CNTN1: variants seen among roughly 807,000 people sequenced by gnomAD.
CNTN1 encodes contactin 1.
A neutral mutation model predicts 126.4 loss-of-function variants in CNTN1; 38 were observed. The observed-to-expected ratio is 0.30, with a 90% CI of 0.23 to 0.39. The LOEUF (loss-of-function observed/expected upper bound fraction) is 0.39, where lower values mean the gene tolerates loss of function less well. CNTN1 is among the 10% of genes least tolerant of loss of function. The pLI, the probability that CNTN1 is intolerant of heterozygous loss-of-function variation, is 1.00. For missense variants in CNTN1, 1,009 were observed against 1,248.4 expected, an observed-to-expected ratio of 0.81 and a Z score of 2.89; for synonymous variants, 413 against 422.6, an observed-to-expected ratio of 0.98 and a Z score of 0.28.
At chr12:40,901,855 G>T (rs1944619646) in intron 1 of CNTN1, among the ~76,000 whole-genome samples, 1 of 152,144 alleles carries the variant, frequency 6.6e-6, no homozygotes, top group African/African-American at 2.4e-5. Flanking sequence ...ACTGCAATAA[G>T]CTGCTTAAAC....
At chr12:40,721,241 C>T (rs1942201624) in intron 1 of CNTN1, among the ~76,000 whole-genome samples, 1 of 152,070 alleles carries the variant, frequency 6.6e-6, no homozygotes, top group Non-Finnish European at 1.5e-5. Context: ...TCATAGCAAT[C>T]TCATGTGCCA....
chr12:40,813,058 T>TCTTTCTTTCTTTCTTTCTTTCTTCCTTC (rs71078274), intron 1 of CNTN1, among the ~76,000 whole-genome samples: 9 of 104,790 alleles, frequency 8.6e-5, no homozygotes, highest in African/African-American at 1.7e-4. Context: ...TTTCTTTCTT[T>TCTTTCTTTCTTTCTTTCTTTCTTCCTTC]CTTCCTTCCT....
chr12:40,706,587 AG>A (rs956702562), intron 1 of CNTN1, among the ~76,000 whole-genome samples: 1 of 152,156 alleles, frequency 6.6e-6, no homozygotes, highest in Non-Finnish European at 1.5e-5. Context: ...TCAAACTTAT[AG>A]GACCCCTCAA....
intron 1 of CNTN1, among the ~76,000 whole-genome samples, chr12:40,785,427 G>C (rs749287412): frequency 6.6e-6 from 1 of 152,154 alleles, no homozygotes; most frequent in Non-Finnish European, 1.5e-5. Flanking sequence ...TCTGTGTGAA[G>C]AGACCACCAA....
At chr12:40,874,055 G>T (rs1943591048) in intron 1 of CNTN1, among the ~76,000 whole-genome samples, 1 of 152,018 alleles carries the variant, frequency 6.6e-6, no homozygotes, top group African/African-American at 2.4e-5. Flanking sequence ...TTTAGTAAAT[G>T]CCTACCATGT....
chr12:40,913,957 C>T (rs1945140435), intron 3 of CNTN1, among the ~76,000 whole-genome samples: 1 of 151,846 alleles, frequency 6.6e-6, no homozygotes, highest in Non-Finnish European at 1.5e-5. Flanking sequence ...AAAAGCAGAT[C>T]AAAATAGTGA....
chr12:40,916,240 T>C (rs995883635), intron 3 of CNTN1, among the ~76,000 whole-genome samples: 2 of 152,110 alleles, frequency 1.3e-5, no homozygotes, highest in African/African-American at 4.8e-5. Context: ...GATATATTGA[T>C]TTCTCTACTT....
chr12:40,861,975 G>C (rs779936456), intron 1 of CNTN1, among the ~76,000 whole-genome samples: 11 of 151,958 alleles, frequency 7.2e-5, no homozygotes, highest in Non-Finnish European at 1.6e-4. Context: ...AAAGTGGGAG[G>C]GTTGCTTGAG....
intron 1 of CNTN1, among the ~76,000 whole-genome samples, chr12:40,715,910 C>T (rs12814832): frequency 8.8e-4 from 134 of 152,154 alleles, no homozygotes; most frequent in Non-Finnish European, 1.6e-3. Flanking sequence ...TTCAGACATT[C>T]AGAGTTAGTT....
chr12:40,787,996 G>T (rs1293699539), intron 1 of CNTN1, among the ~76,000 whole-genome samples: 1 of 152,054 alleles, frequency 6.6e-6, no homozygotes, highest in African/African-American at 2.4e-5. Context: ...GGCAAGCTGT[G>T]TATCTCCCCT....
In CNTN1 at chr12:40,937,592, T is replaced by C; in HGVS notation, c.1133T>C (p.Leu378Pro). The C allele has an allele frequency of 6.2e-7, 1 of 1,607,686 alleles. No homozygotes were observed. Among genetic ancestry groups the C allele is most frequent in the Non-Finnish European group, 8.5e-7 (1 of 1,174,300 alleles). Residue 378 changes from leucine to proline, a missense_variant, in exon 11 of 24, where the codon CTG becomes CCG. Coordinates refer to ENST00000551295, the MANE Select transcript of CNTN1 (RefSeq NM_001843.4). ...CAGTATCATAAAGGGGAATTAAGAC[T>C]GTATGATGTGACTTTTGAAAATGCC... is the stretch of plus-strand genomic sequence containing the variant. ...GYAYHKGELR[L>P]YDVTFENAGM...
At chr12:40,989,090 T>C (rs1948038528) in intron 16 of CNTN1, among the ~76,000 whole-genome samples, 1 of 152,200 alleles carries the variant, frequency 6.6e-6, no homozygotes, top group Non-Finnish European at 1.5e-5. Flanking sequence ...CCTGTTTCTC[T>C]TCATTTGGCT....
rs1261219145 is a variant in CNTN1, at chr12:40,760,095, G to A, written c.-77+67503G>A. On this transcript the variant is annotated intron_variant, in intron 1 of 23. Coordinates refer to ENST00000551295, the MANE Select transcript of CNTN1 (RefSeq NM_001843.4). ...AGTTCTGATTGCCTTAGTATTGCAA[G>A]CCCTTAATCTGGGTGCCAGGGGATT... 2.0e-5 allele frequency among the ~76,000 whole-genome samples: 3 copies of A among 152,108 alleles called. No individual in the cohort carries two copies. In the East Asian group the frequency reaches 5.8e-4, roughly 29 times the overall value.
intron 14 of CNTN1, among the ~76,000 whole-genome samples, chr12:40,947,782 T>TACACACACAC (rs56852774): frequency 8.4e-6 from 1 of 118,920 alleles, no homozygotes; most frequent in Non-Finnish European, 1.8e-5. Flanking sequence ...TATATATATA[T>TACACACACAC]ACACACACAC....
chr12:40,849,686 C>A (rs1418854895), intron 1 of CNTN1, among the ~76,000 whole-genome samples: 1 of 151,944 alleles, frequency 6.6e-6, no homozygotes, highest in Non-Finnish European at 1.5e-5. Context: ...TTCTTAATTA[C>A]CTTTGTAGTA....
At chr12:40,984,628 A>T (rs1461032256) in intron 16 of CNTN1, among the ~76,000 whole-genome samples, 1 of 152,120 alleles carries the variant, frequency 6.6e-6, no homozygotes, top group Non-Finnish European at 1.5e-5. Context: ...CACCCCCATG[A>T]CCCAAACTCC....
In CNTN1 at chr12:40,959,198, G is replaced by A. The variant is rs759364016; in HGVS notation, c.1768G>A (p.Asp590Asn). The A allele has an allele frequency of 1.9e-6, 3 of 1,612,756 alleles. No individual in the cohort carries two copies. The highest frequency in any genetic ancestry group is 1.1e-5 in the South Asian group (1 of 91,060). The change falls in exon 15 of 24, where the codon GAC becomes AAC. Residue 590 changes from aspartate to asparagine, a missense_variant. Asp to Asn is a conservative substitution (Grantham distance 23, BLOSUM62 1). Coordinates refer to ENST00000551295, the MANE Select transcript of CNTN1 (RefSeq NM_001843.4). ...CACATGCACTGCCCAGACAATTGTGGACAATTCTTCAGCTTCAGCTGACCT... is the reference window on the plus strand; with the variant it reads ...CACATGCACTGCCCAGACAATTGTGAACAATTCTTCAGCTTCAGCTGACCT... ...RYTCTAQTIVDNSSASADLVV... is the reference protein window; with the variant it reads ...RYTCTAQTIVNNSSASADLVV...
chr12:40,915,896 A>T (rs1945220929), intron 3 of CNTN1, among the ~76,000 whole-genome samples: 1 of 152,100 alleles, frequency 6.6e-6, no homozygotes. Flanking sequence ...GTGGAAACTC[A>T]AGATCCAATC....
intron 1 of CNTN1, among the ~76,000 whole-genome samples, chr12:40,788,902 C>T (rs1466298256): frequency 6.6e-6 from 1 of 152,168 alleles, no homozygotes; most frequent in East Asian, 1.9e-4. Flanking sequence ...ATAGTAGACA[C>T]TTTATACATG....
Sources: allele counts gnomAD v4.1 joint callset (sites outside exome capture counted in the v4.1 genomes callset), GRCh38; gene constraint gnomAD v4.1.1; transcripts MANE v1.5; gene names NCBI Gene and HGNC (gene_info 2026-07-23, HGNC 2026-07-21).